FANCI: variants seen among roughly 807,000 people sequenced by gnomAD.
FANCI encodes the protein FA complementation group I, also known as Fanconi anemia group I protein.
A neutral mutation model predicts 176.1 loss-of-function variants in FANCI; 156 were observed. The ratio of observed to expected loss-of-function variants is 0.89; its 90% CI spans 0.78 to 1.01. FANCI has a LOEUF of 1.01. Among genes scored for constraint, FANCI ranks in the 50% least tolerant of loss-of-function variants. The pLI, the probability that FANCI is intolerant of heterozygous loss-of-function variation, is 0.00. For synonymous variants in FANCI, 613 were observed against 541.7 expected, an observed-to-expected ratio of 1.13 and a Z score of -1.83; for missense variants, 1,678 against 1,534.1, an observed-to-expected ratio of 1.09 and a Z score of -1.57.
Position 89,315,405 on chromosome 15 carries a change from T to G in FANCI, c.3924+16T>G, listed in dbSNP as rs1260139637. On this transcript the variant is annotated intron_variant, in intron 37 of 37. Coordinates refer to ENST00000310775, the MANE Select transcript of FANCI (RefSeq NM_001113378.2). Reference sequence around the variant, plus strand: ...AAATGAAGAGGTCAGTGCTGGCTTCTGTCTGGAGCCCAGCCACTCTTCCTA... The same window carrying G: ...AAATGAAGAGGTCAGTGCTGGCTTCGGTCTGGAGCCCAGCCACTCTTCCTA... The G allele has an allele frequency of 1.3e-6, 2 of 1,547,104 alleles. No homozygotes were observed. Among genetic ancestry groups the G allele is most frequent in the South Asian group, 1.1e-5 (1 of 89,732 alleles).
Position 89,314,722 on chromosome 15 carries a change from A to T in FANCI, c.3816+15A>T, listed in dbSNP as rs28493988. On this transcript the variant is annotated intron_variant, in intron 36 of 37. Transcript: ENST00000310775. ...AGAAGTCCAAGGTAAACATTCTCTT[A>T]TTATGTGCTACCATTCCCATTTACC... 13,235 of 1,558,660 alleles carry T rather than the reference A, an allele frequency of 8.5e-3. 354 individuals are homozygous for T. The East Asian group carries it at 0.088, about 10-fold the overall frequency.
chr15:89,289,911 C>G (rs1396476445), intron 18 of FANCI, among the ~76,000 whole-genome samples: 2 of 151,884 alleles, frequency 1.3e-5, no homozygotes, highest in Admixed American at 6.6e-5. Context: ...AGGCTGGTCT[C>G]GAGCTCTTGG....
At position 89,247,678 on chromosome 15, in the gene FANCI, G is replaced by GA; in HGVS notation, c.37dup (p.Thr13AsnfsTer16). ...CCAGAAGATTTTATCTCTAGCAGCA[G>GA]AAAAAACAGCAGACAAACTGCAAGA... On this transcript the variant is annotated frameshift_variant, in exon 2 of 38. Coordinates refer to ENST00000310775, the MANE Select transcript of FANCI (RefSeq NM_001113378.2). LOFTEE classifies it high-confidence loss of function. 1 of 1,613,978 alleles carries GA rather than the reference G, an allele frequency of 6.2e-7. No individual in the cohort carries two copies. Among genetic ancestry groups the GA allele is most frequent in the South Asian group, 1.1e-5 (1 of 91,074 alleles).
chr15:89,263,021 A>C (rs1366118430), intron 6 of FANCI, among the ~76,000 whole-genome samples: 1 of 152,268 alleles, frequency 6.6e-6, no homozygotes, highest in Admixed American at 6.5e-5. Flanking sequence ...AGCATGAGCC[A>C]CTGCACCTGG....
At chr15:89,264,500 A>C in intron 8 of FANCI, 22 bp from the exon 9 acceptor site, 1 of 1,605,368 alleles carries the variant, frequency 6.2e-7, no homozygotes, top group South Asian at 1.1e-5. Context: ...GGGAGACCTT[A>C]CCAATTTTGT....
chr15:89,261,831 T>C lies in FANCI; in HGVS notation c.456T>C (p.Ser152=). ...ENLAYGKGVL[S]GEECKKQLIN... is the part of the protein sequence containing the mutation. ...ATTTTGCATTTCTAGGTGTACTGAG[T>C]GGGGAAGAATGTAAGAAACAGTTGA... The change falls in exon 6 of 38, where the codon AGT becomes AGC. Residue 152 remains serine, a synonymous_variant. Transcript: ENST00000310775. The C allele has an allele frequency of 6.2e-7, 1 of 1,614,024 alleles. No individual in the cohort carries two copies. The highest frequency in any genetic ancestry group is 8.5e-7 in the Non-Finnish European group (1 of 1,179,958).
chr15:89,282,102 C>T (rs1053602018), intron 16 of FANCI: 2 of 432,554 alleles, frequency 4.6e-6, no homozygotes, highest in Admixed American at 3.5e-5. Context: ...GAGTGACTTT[C>T]CAAAAGTAAA....
At chr15:89,268,759 G>A (rs932278368) in intron 10 of FANCI, 10 of 474,602 alleles carry the variant, frequency 2.1e-5, no homozygotes, top group Admixed American at 1.1e-4. Flanking sequence ...AAGCCAGAAA[G>A]TTCTATTTAA....
At chr15:89,269,671 C>G (rs945435596) in intron 10 of FANCI, among the ~76,000 whole-genome samples, 1 of 152,156 alleles carries the variant, frequency 6.6e-6, no homozygotes, top group Non-Finnish European at 1.5e-5. Flanking sequence ...CAGGTTCTGT[C>G]ACAACTACTC....
chr15:89,316,955 G>A lies in FANCI; in HGVS notation c.*496G>A, dbSNP rs958778078. The A allele has an allele frequency of 1.5e-5, 11 of 745,986 alleles. No individual in the cohort carries two copies. Among genetic ancestry groups the A allele is most frequent in the South Asian group, 2.9e-5 (2 of 69,786 alleles). The allele number at this position is 745,986 out of a possible 1,614,324, so 46.2% of individuals were successfully genotyped here. On this transcript the variant is annotated 3_prime_UTR_variant, in exon 38 of 38. Transcript: ENST00000310775. ...AAGGTTGAGAACAATTGCCACGAAC[G>A]GTAATGTTACATGTTAGGAGGGTCT...
At chr15:89,258,136 G>A (rs1278588018) in intron 2 of FANCI, among the ~76,000 whole-genome samples, 1 of 151,436 alleles carries the variant, frequency 6.6e-6, no homozygotes, top group Non-Finnish European at 1.5e-5. Context: ...CTTGGACATT[G>A]CACGTGATCA....
At position 89,294,149 on chromosome 15, in the gene FANCI, G is replaced by A. The variant is rs567531923; in HGVS notation, c.2456+152G>A. ...TGAAATAAAAGCTGGACAATCCTAG[G>A]TAGGTACTTTAAGTAGGTACCTTGA... On this transcript the variant is annotated intron_variant, in intron 23 of 37. Transcript: ENST00000310775. 4.7e-4 allele frequency: 401 copies of A among 848,018 alleles called. 4 individuals are homozygous for A. In the South Asian group the frequency reaches 5.8e-3, roughly 12 times the overall value. The allele number at this position is 848,018 out of a possible 1,614,324, so 52.5% of individuals were successfully genotyped here. A position where few individuals can be genotyped will look rare whatever the true frequency, so the allele number is the denominator to read the frequency against.
At chr15:89,305,001 C>T in intron 28 of FANCI, 114 bp from the exon 29 acceptor site, 1 of 1,192,814 alleles carries the variant, frequency 8.4e-7, no homozygotes, top group Non-Finnish European at 1.2e-6. Context: ...GTCTTGAATT[C>T]CTGACCTCAG....
chr15:89,312,119 G>A (rs1339426578), intron 34 of FANCI, among the ~76,000 whole-genome samples: 1 of 152,196 alleles, frequency 6.6e-6, no homozygotes, highest in Non-Finnish European at 1.5e-5. Flanking sequence ...GCTTTGCTGA[G>A]TAACGAAAAT....
At position 89,299,899 on chromosome 15, in the gene FANCI, A is replaced by G. The variant is rs768880495; in HGVS notation, c.2736A>G (p.Leu912=). The change falls in exon 25 of 38, where the codon TTA becomes TTG. Residue 912 remains leucine, a synonymous_variant. Transcript: ENST00000310775. The part of the protein sequence containing the change: ...KSISLLCLEG[L]QKIFSAVQQF... ...TCTCACTGCTGTGCTTGGAGGGTTT[A>G]CAGAAAATATTCAGTGCTGTGCAAC... The G allele has an allele frequency of 6.8e-6, 11 of 1,614,152 alleles. No homozygotes were observed. The highest frequency in any genetic ancestry group is 2.2e-5 in the East Asian group (1 of 44,864).
chr15:89,316,335 T>G, intron 37 of FANCI, 62 bp from the exon 38 acceptor site: 1 of 1,521,614 alleles, frequency 6.6e-7, no homozygotes, highest in South Asian at 1.2e-5. Flanking sequence ...TTTCCTTCTT[T>G]TTATTTCCAC....
intron 13 of FANCI, among the ~76,000 whole-genome samples, 178 bp from the exon 14 acceptor site, chr15:89,278,509 T>A (rs747550234): frequency 3.5e-4 from 53 of 152,366 alleles, no homozygotes; most frequent in Non-Finnish European, 5.0e-4. Context: ...ATGAATCATC[T>A]AAGCACAGAA....
intron 34 of FANCI, among the ~76,000 whole-genome samples, chr15:89,308,833 C>A (rs2054832888): frequency 6.6e-6 from 1 of 151,980 alleles, no homozygotes; most frequent in Non-Finnish European, 1.5e-5. Context: ...GTAATCCCAG[C>A]TACTTGGGAG....
chr15:89,282,372 T>G (rs2053647500), intron 16 of FANCI: 2 of 164,292 alleles, frequency 1.2e-5, no homozygotes, highest in African/African-American at 4.8e-5. Context: ...GGGGAATGAG[T>G]TTTATTTGTA....
Sources: gnomAD v4.1 joint callset for allele counts (sites outside exome capture counted in the v4.1 genomes callset) on GRCh38, gnomAD v4.1.1 for gene constraint, MANE v1.5 for transcripts, NCBI Gene and HGNC (gene_info 2026-07-23, HGNC 2026-07-21) for gene names.